Variants in ENPP2 observed in about 807,000 individuals in gnomAD.
ENPP2 encodes autotaxin.
A neutral mutation model predicts 120.2 loss-of-function variants in ENPP2; 51 were observed. The ratio of observed to expected loss-of-function variants is 0.42; its 90% CI spans 0.34 to 0.54. ENPP2 has a LOEUF of 0.54. Among genes scored for constraint, ENPP2 ranks in the 20% least tolerant of loss-of-function variants. The pLI is 0.04. For missense variants in ENPP2, 920 were observed against 1,066.5 expected (o/e 0.86, Z 1.91); for synonymous variants, 365 against 366.4 (o/e 1.00, Z 0.04).
Position 119,557,709 on chromosome 8 carries a change from C to CA in ENPP2, c.2422-19dup, listed in dbSNP as rs1813578579. The CA allele has an allele frequency of 6.6e-7, 1 of 1,524,856 alleles. No individual in the cohort carries two copies. Among genetic ancestry groups the CA allele is most frequent in the African/African-American group, 1.4e-5 (1 of 70,982 alleles). The allele number at this position is 1,524,856 out of a possible 1,614,324, so 94.5% of individuals were successfully genotyped here. On this transcript the variant is annotated intron_variant, in intron 24 of 24. Transcript: ENST00000075322. Reference sequence around the variant, plus strand: ...TCTGAGCTCTGCAATGGAAACAGAACAAAATCAGAATCAGAATTTTCCAGA... The same window carrying CA: ...TCTGAGCTCTGCAATGGAAACAGAACAAAAATCAGAATCAGAATTTTCCAGA...
intron 12 of ENPP2, chr8:119,592,988 G>A: frequency 1.0e-6 from 1 of 981,294 alleles, no homozygotes; most frequent in Non-Finnish European, 1.2e-6. Flanking sequence ...CTAGAAGGGA[G>A]AAGCCCCAAA....
At chr8:119,577,893 A>T (rs1467524762) in intron 19 of ENPP2, among the ~76,000 whole-genome samples, 1 of 152,196 alleles carries the variant, frequency 6.6e-6, no homozygotes, top group African/African-American at 2.4e-5. Flanking sequence ...TCAGGGATTT[A>T]AGTAAGAAAC....
chr8:119,575,795 G>A (rs1812293479), intron 19 of ENPP2, among the ~76,000 whole-genome samples: 1 of 152,158 alleles, frequency 6.6e-6, no homozygotes, highest in Non-Finnish European at 1.5e-5. Context: ...GTAAAGGTAT[G>A]GGCTCTACCT....
intron 19 of ENPP2, among the ~76,000 whole-genome samples, chr8:119,577,657 G>C (rs897745804): frequency 3.3e-5 from 5 of 152,146 alleles, no homozygotes; most frequent in African/African-American, 1.2e-4. Flanking sequence ...GTGCCACTAG[G>C]CCATGAGCAG....
At chr8:119,592,495 AAAGAAG>A (rs1207688488) in intron 12 of ENPP2, among the ~76,000 whole-genome samples, 2 of 150,758 alleles carry the variant, frequency 1.3e-5, no homozygotes, top group Admixed American at 6.6e-5. Flanking sequence ...AAAAAAAAAA[AAAGAAG>A]AAGAAGAAGT....
At chr8:119,592,924 CCATTCTTAA>C in intron 12 of ENPP2, 1 of 930,150 alleles carries the variant, frequency 1.1e-6, no homozygotes, top group Admixed American at 6.7e-5. Flanking sequence ...GATTTGCCTA[CCATTCTTAA>C]CAGAACTGCC....
chr8:119,626,304 AAAAC>A (rs1473185689), intron 3 of ENPP2, among the ~76,000 whole-genome samples: 1 of 152,196 alleles, frequency 6.6e-6, no homozygotes, highest in Non-Finnish European at 1.5e-5. Context: ...TGAAGAAACA[AAAAC>A]AAAAACAAAA....
In ENPP2 at chr8:119,568,328, G is replaced by A. The variant is rs1450887480; in HGVS notation, c.2054-76C>T. ...AGTTAAAAAAAAAAGGGAGAGGGGG[G>A]TAGAATTTTCTTAAATGGTCCAAAC... On this transcript the variant is annotated intron_variant, in intron 21 of 24. Coordinates refer to ENST00000075322, the MANE Select transcript of ENPP2 (RefSeq NM_001040092.3). The A allele has an allele frequency of 2.2e-5, 18 of 806,026 alleles. No homozygotes were observed. The Admixed American group carries it at 3.9e-4, about 18-fold the overall frequency. 49.9% of individuals were successfully genotyped at this position (806,026 alleles called of 1,614,324 possible).
chr8:119,567,687 T>C (rs530219351), intron 22 of ENPP2, among the ~76,000 whole-genome samples: 1 of 152,354 alleles, frequency 6.6e-6, no homozygotes, highest in Non-Finnish European at 1.5e-5. Flanking sequence ...CAGAAAATGT[T>C]ATCACCCCAA....
chr8:119,608,520 T>A (rs1216136792), intron 8 of ENPP2, among the ~76,000 whole-genome samples: 1 of 152,224 alleles, frequency 6.6e-6, no homozygotes, highest in Admixed American at 6.5e-5. Flanking sequence ...TTTTAGTAAA[T>A]GTTATTTTAG....
At chr8:119,650,708 CTG>C (rs1314804971) in intron 1 of ENPP2, among the ~76,000 whole-genome samples, 1 of 152,086 alleles carries the variant, frequency 6.6e-6, no homozygotes, top group African/African-American at 2.4e-5. Flanking sequence ...TAACGAGCCC[CTG>C]TGTGTGTGAT....
At position 119,557,482 on chromosome 8, in the gene ENPP2, C is replaced by A. The variant is rs773975670; in HGVS notation, c.*39G>T. ...AATACAAAAACAATATAAAAATATA[C>A]AACCAGTTGATAAGACTGTACTGCA... On this transcript the variant is annotated 3_prime_UTR_variant, in exon 25 of 25. Transcript: ENST00000075322. 2.7e-6 allele frequency: 4 copies of A among 1,472,582 alleles called. No homozygotes were observed. The South Asian group carries it at 4.9e-5, about 18-fold the overall frequency. The allele number at this position is 1,472,582 out of a possible 1,614,324, so 91.2% of individuals were successfully genotyped here.
upstream of ENPP2, among the ~76,000 whole-genome samples, chr8:119,639,448 T>C (rs542621749): frequency 6.6e-6 from 1 of 152,288 alleles, no homozygotes; most frequent in African/African-American, 2.4e-5. Context: ...TAACATTATT[T>C]TCCCCATGCT....
At chr8:119,646,699 A>G (rs1241124472) in intron 1 of ENPP2, among the ~76,000 whole-genome samples, 1 of 152,244 alleles carries the variant, frequency 6.6e-6, no homozygotes, top group East Asian at 1.9e-4. Context: ...GAAATAATCC[A>G]TGTAAATCAC....
At chr8:119,630,453 C>T (rs1291067629) in intron 2 of ENPP2, among the ~76,000 whole-genome samples, 1 of 152,180 alleles carries the variant, frequency 6.6e-6, no homozygotes, top group Non-Finnish European at 1.5e-5. Context: ...TTTTTAGCCA[C>T]ATTTAATCTT....
upstream of ENPP2, among the ~76,000 whole-genome samples, chr8:119,642,086 T>C (rs559613658): frequency 6.6e-6 from 1 of 152,312 alleles, no homozygotes; most frequent in East Asian, 1.9e-4. Context: ...CCTTGATCTA[T>C]TTATAACTGG....
chr8:119,583,829 A>G (rs1404895282), intron 16 of ENPP2, 25 bp from the exon 17 acceptor site: 4 of 1,501,682 alleles, frequency 2.7e-6, no homozygotes, highest in Non-Finnish European at 3.7e-6. Flanking sequence ...GAAAAACAAA[A>G]ACAGTTAAGC....
At chr8:119,613,055 C>T (rs1815223943) in intron 8 of ENPP2, among the ~76,000 whole-genome samples, 1 of 152,130 alleles carries the variant, frequency 6.6e-6, no homozygotes, top group Non-Finnish European at 1.5e-5. Flanking sequence ...TCATTCCTCC[C>T]ATTGCTGAGA....
At chr8:119,600,653 C>A in intron 11 of ENPP2, 25 bp downstream of exon 11, 1 of 1,496,718 alleles carries the variant, frequency 6.7e-7, no homozygotes, top group Non-Finnish European at 9.3e-7. Flanking sequence ...ACAGATTCTT[C>A]TCAGGCAGAT....
Sources: allele counts gnomAD v4.1 joint callset (sites outside exome capture counted in the v4.1 genomes callset), GRCh38; gene constraint gnomAD v4.1.1; transcripts MANE v1.5; gene names NCBI Gene and HGNC (gene_info 2026-07-23, HGNC 2026-07-21).